EPM2A: variants seen among roughly 807,000 people sequenced by gnomAD.
EPM2A encodes the protein laforin.
EPM2A carries 21 observed loss-of-function variants against 26.5 expected under a neutral mutation model. The ratio of observed to expected loss-of-function variants is 0.79; its 90% confidence interval spans 0.56 to 1.14. EPM2A has a LOEUF of 1.14. EPM2A is among the 50% of genes most tolerant of loss of function. EPM2A has a pLI of 0.00. For missense variants in EPM2A, 458 were observed against 440.8 expected (o/e 1.04, Z -0.35); for synonymous variants, 217 against 177.6 (o/e 1.22, Z -1.76).
At chr6:145,575,488 A>G (rs1781018731) in intron 2 of EPM2A, among the ~76,000 whole-genome samples, 1 of 152,196 alleles carries the variant, frequency 6.6e-6, no homozygotes, top group Non-Finnish European at 1.5e-5. Flanking sequence ...CACTCAGGGC[A>G]ATCTTAGCAG....
chr6:145,595,266 C>A (rs182095254), intron 2 of EPM2A, among the ~76,000 whole-genome samples: 33 of 151,882 alleles, frequency 2.2e-4, no homozygotes, highest in Admixed American at 5.9e-4. Context: ...TCAGAACCAT[C>A]TTGCTTTAAA....
intron 4 of EPM2A, among the ~76,000 whole-genome samples, chr6:145,442,272 T>C (rs144590754): frequency 6.6e-6 from 1 of 152,148 alleles, no homozygotes. Flanking sequence ...TTCTATATCT[T>C]CATATATCTT....
At chr6:145,442,353 C>T (rs1779075535) in intron 4 of EPM2A, among the ~76,000 whole-genome samples, 1 of 152,158 alleles carries the variant, frequency 6.6e-6, no homozygotes. Context: ...TAAAGACATA[C>T]CCAAGATTGG....
At chr6:145,430,346 C>A (rs777661202) in intron 4 of EPM2A, among the ~76,000 whole-genome samples, 17 of 151,808 alleles carry the variant, frequency 1.1e-4, no homozygotes, top group Non-Finnish European at 2.5e-4. Context: ...ACGGTTGTAA[C>A]CCCAGCACTT....
chr6:145,619,117 G>A (rs1211156965), intron 2 of EPM2A, among the ~76,000 whole-genome samples: 2 of 152,008 alleles, frequency 1.3e-5, no homozygotes, highest in Non-Finnish European at 1.5e-5. Flanking sequence ...AGGGGAAGAT[G>A]TTGCCAGTGT....
At chr6:145,473,227 C>T (rs768141068) in intron 4 of EPM2A, among the ~76,000 whole-genome samples, 3 of 151,232 alleles carry the variant, frequency 2.0e-5, no homozygotes, top group South Asian at 2.1e-4. Flanking sequence ...AAAAAAATCA[C>T]GTAGAAATTC....
intron 2 of EPM2A, among the ~76,000 whole-genome samples, chr6:145,553,424 C>CA (rs2114806357): frequency 6.6e-6 from 1 of 152,156 alleles, no homozygotes; most frequent in South Asian, 2.1e-4. Context: ...ACGAACTCAC[C>CA]AAAAACACTA....
chr6:145,400,741 T>C (rs1337661685), intron 4 of EPM2A, among the ~76,000 whole-genome samples: 1 of 152,196 alleles, frequency 6.6e-6, no homozygotes, highest in African/African-American at 2.4e-5. Flanking sequence ...ATGTAAATAT[T>C]CATAGCTCCT....
intron 2 of EPM2A, among the ~76,000 whole-genome samples, chr6:145,588,793 GA>G (rs1357360890): frequency 6.6e-6 from 1 of 152,158 alleles, no homozygotes; most frequent in African/African-American, 2.4e-5. Context: ...CTATAAAAGG[GA>G]AACAGGTGAA....
chr6:145,622,087 A>C (rs1178379504), downstream of EPM2A, among the ~76,000 whole-genome samples: 2 of 152,184 alleles, frequency 1.3e-5, no homozygotes, highest in Non-Finnish European at 2.9e-5. Flanking sequence ...CTCATGCTTA[A>C]GTCTTAACCT....
At chr6:145,471,431 C>T (rs1779471565) in intron 4 of EPM2A, among the ~76,000 whole-genome samples, 1 of 152,108 alleles carries the variant, frequency 6.6e-6, no homozygotes, top group South Asian at 2.1e-4. Flanking sequence ...ACAGGAAAAA[C>T]ACAATCATGA....
intron 2 of EPM2A, chr6:145,670,406 C>A (rs1398247604): frequency 6.6e-6 from 1 of 152,136 alleles, no homozygotes; most frequent in Non-Finnish European, 1.5e-5. Context: ...CTCTCCTTTC[C>A]AGTCTTCCTT....
chr6:145,438,205 A>G (rs1779013466), intron 4 of EPM2A, among the ~76,000 whole-genome samples: 1 of 152,226 alleles, frequency 6.6e-6, no homozygotes, highest in Admixed American at 6.5e-5. Flanking sequence ...CAAGGTCCCC[A>G]GTGGGAAGTG....
At chr6:145,451,097 G>A (rs1413925651) in intron 4 of EPM2A, among the ~76,000 whole-genome samples, 1 of 152,098 alleles carries the variant, frequency 6.6e-6, no homozygotes, top group African/African-American at 2.4e-5. Flanking sequence ...CAATGATACG[G>A]TTTAAGCTTT....
rs369376769 is a variant in EPM2A, at chr6:145,648,538, G to A, written c.477-13052C>T. On this transcript the variant is annotated intron_variant, in intron 2 of 3. Coordinates refer to ENST00000367519, the MANE Select transcript of EPM2A (RefSeq NM_005670.4). The stretch of plus-strand genomic sequence containing the variant: ...TAAATGTTAGCTGTTAACGCAGGTG[G>A]ACAAGTTGAGTAGTAATGACAAATG... Among the ~76,000 whole-genome samples, 151 of 152,332 alleles carry A rather than the reference G, an allele frequency of 9.9e-4. 1 individual carries two copies. Among genetic ancestry groups the A allele is most frequent in the African/African-American group, 3.5e-3 (144 of 41,574 alleles).
chr6:145,436,286 T>C (rs1011817188), intron 4 of EPM2A, among the ~76,000 whole-genome samples: 5 of 152,228 alleles, frequency 3.3e-5, no homozygotes, highest in Non-Finnish European at 5.9e-5. Context: ...TTCACTATTA[T>C]AATGTTGCCA....
chr6:145,385,411 A>G (rs1396818163), intron 4 of EPM2A, among the ~76,000 whole-genome samples: 1 of 152,136 alleles, frequency 6.6e-6, no homozygotes, highest in Non-Finnish European at 1.5e-5. Context: ...AAATAAAAAA[A>G]GGTCATTTGT....
chr6:145,705,919 G>T (rs1178942539), intron 1 of EPM2A: 1 of 456,876 alleles, frequency 2.2e-6, no homozygotes, highest in East Asian at 6.9e-5. Flanking sequence ...GAAAGATGGT[G>T]CTGGGTAACA....
At chr6:145,552,112 A>T (rs1431976682) in intron 2 of EPM2A, among the ~76,000 whole-genome samples, 2 of 151,906 alleles carry the variant, frequency 1.3e-5, no homozygotes, top group Non-Finnish European at 2.9e-5. Flanking sequence ...AAGAGAGAAG[A>T]TAGCGACAAG....
Sources: allele counts gnomAD v4.1 joint callset (sites outside exome capture counted in the v4.1 genomes callset), GRCh38; gene constraint gnomAD v4.1.1; transcripts MANE v1.5; gene names NCBI Gene and HGNC (gene_info 2026-07-23, HGNC 2026-07-21).